Variants in MAU2 observed in about 807,000 individuals in gnomAD.
MAU2 encodes the protein MAU2 chromatid cohesion factor homolog.
MAU2 carries 9 observed loss-of-function variants against 89.1 expected under a neutral mutation model. The observed-to-expected ratio is 0.10, with a 90% CI of 0.06 to 0.18. The LOEUF (loss-of-function observed/expected upper bound fraction) is 0.18, where lower values mean the gene tolerates loss of function less well. Ranked by LOEUF, MAU2 falls within the 10% of genes least tolerant of loss-of-function variation. The pLI, the probability that MAU2 is intolerant of heterozygous loss-of-function variation, is 1.00. For missense variants in MAU2, 425 were observed against 803.5 expected, an observed-to-expected ratio of 0.53 and a Z score of 5.69; for synonymous variants, 357 against 343.4, an observed-to-expected ratio of 1.04 and a Z score of -0.44.
At chr19:19,335,058 T>C (rs2061585504) in intron 1 of MAU2, among the ~76,000 whole-genome samples, 2 of 152,156 alleles carry the variant, frequency 1.3e-5, no homozygotes. Flanking sequence ...CTGGGAACTG[T>C]TGGAACATGG....
rs750432590 is a variant in MAU2 at position 19,320,872 on chromosome 19, G to A, written c.13G>A (p.Ala5Thr). The A allele has an allele frequency of 1.3e-6, 2 of 1,517,996 alleles. No individual in the cohort carries two copies. The highest frequency in any genetic ancestry group is 1.3e-5 in the South Asian group (1 of 78,702). The allele number at this position is 1,517,996 out of a possible 1,614,324, so 94.0% of individuals were successfully genotyped here. Residue 5 changes from alanine to threonine, a missense_variant, in exon 1 of 19, where the codon GCG (alanine) becomes ACG (threonine). Ala to Thr is a moderately conservative substitution (Grantham distance 58). This residue lies in a region of MAU2 where 61 missense variants were observed against 40.1 expected (regional missense o/e 1.52). Coordinates refer to ENST00000262815, the MANE Select transcript of MAU2 (RefSeq NM_015329.4). Reference protein sequence around the residue: MAAQAAAAAQAAAAQ... With the variant: MAAQTAAAAQAAAAQ... ...TGTGGAGGCCAAAATGGCGGCTCAG[G>A]CGGCGGCAGCGGCCCAGGCGGCGGC...
At chr19:19,337,089 G>C (rs1184411026) in intron 3 of MAU2, 81 bp from the exon 4 acceptor site, 2 of 1,082,954 alleles carry the variant, frequency 1.8e-6, no homozygotes, top group Non-Finnish European at 1.4e-6. Context: ...TGGCACCACA[G>C]CTGCTGCTAA....
At chr19:19,339,517 GC>G (rs1445466513) in intron 5 of MAU2, 1 of 151,076 alleles carries the variant, frequency 6.6e-6, no homozygotes, top group African/African-American at 2.4e-5. Flanking sequence ...CTGCCCACTG[GC>G]CCCAACGCTG....
intron 6 of MAU2, 39 bp from the exon 7 acceptor site, chr19:19,341,213 C>A: frequency 6.3e-7 from 1 of 1,587,322 alleles, no homozygotes; most frequent in Admixed American, 1.7e-5. Context: ...AGGGCCCCTG[C>A]AAGCCCTGTA....
rs1192979674 is a variant in MAU2 at position 19,355,970 on chromosome 19, G to T, written c.*188G>T. ...GGTAGCCGTTCCCACCTCGCAGCAG[G>T]ACCCCCAGTGCAGAGGCTCACAGGT... is the stretch of plus-strand genomic sequence containing the variant. On this transcript the variant is annotated 3_prime_UTR_variant, in exon 19 of 19. Transcript: ENST00000262815. 2.9e-6 allele frequency: 2 copies of T among 695,630 alleles called. No individual in the cohort carries two copies. The allele number at this position is 695,630 out of a possible 1,614,324, so 43.1% of individuals were successfully genotyped here. A position where few individuals can be genotyped will look rare whatever the true frequency, so the allele number is the denominator to read the frequency against.
intron 7 of MAU2, 149 bp from the exon 8 acceptor site, chr19:19,342,386 C>T (rs1277304642): frequency 8.4e-6 from 8 of 953,602 alleles, no homozygotes; most frequent in Admixed American, 5.9e-5. Context: ...CATGGGAGTG[C>T]GGCAGGGGCG....
intron 3 of MAU2, among the ~76,000 whole-genome samples, chr19:19,336,873 A>G (rs2061600628): frequency 6.6e-6 from 1 of 152,268 alleles, no homozygotes; most frequent in African/African-American, 2.4e-5. Context: ...GTCTGAGAAC[A>G]TAAAAGAAGG....
At chr19:19,347,228 A>G (rs1363777391) in intron 12 of MAU2, 52 bp from the exon 13 acceptor site, 3 of 1,139,432 alleles carry the variant, frequency 2.6e-6, no homozygotes, top group Admixed American at 1.7e-5. Context: ...ACACTGCCAC[A>G]TGGGTCACAG....
intron 1 of MAU2, among the ~76,000 whole-genome samples, chr19:19,322,922 C>T (rs1358413124): frequency 6.6e-6 from 1 of 152,020 alleles, no homozygotes; most frequent in African/African-American, 2.4e-5. Flanking sequence ...CGGAGTTTCG[C>T]TCTTGTTGCC....
Position 19,334,874 on chromosome 19 carries a change from G to A in MAU2, c.277-844G>A, listed in dbSNP as rs781509957. On this transcript the variant is annotated intron_variant, in intron 1 of 18. Transcript: ENST00000262815. Reference sequence around the variant, plus strand: ...GCAGTCCTCCCACAGAGTGCGATGAGTTAGGGTCTCCTGCTGTGCTCCGGA... The same window carrying A: ...GCAGTCCTCCCACAGAGTGCGATGAATTAGGGTCTCCTGCTGTGCTCCGGA... 1.2e-4 allele frequency among the ~76,000 whole-genome samples: 18 copies of A among 152,348 alleles called. No individual in the cohort carries two copies. In the East Asian group the frequency reaches 3.5e-3, roughly 29 times the overall value.
At chr19:19,335,865 G>A in intron 2 of MAU2, 130 bp downstream of exon 2, 3 of 1,086,890 alleles carry the variant, frequency 2.8e-6, no homozygotes, top group Non-Finnish European at 4.2e-6. Flanking sequence ...AGCACCTGGA[G>A]TGTCCCCCAC....
chr19:19,336,367 A>C (rs1006297700), intron 3 of MAU2, among the ~76,000 whole-genome samples, 180 bp downstream of exon 3: 3 of 151,884 alleles, frequency 2.0e-5, no homozygotes, highest in African/African-American at 7.3e-5. Context: ...TGGCACAATC[A>C]TGGCTCACCG....
rs761860553 is a variant in MAU2, at chr19:19,349,176, C to T, written c.1380C>T (p.Ala460=). The T allele has an allele frequency of 9.3e-6, 15 of 1,614,154 alleles. No homozygotes were observed. Among genetic ancestry groups the T allele is most frequent in the South Asian group, 3.3e-5 (3 of 91,076 alleles). The change falls in exon 15 of 19, where the codon GCC becomes GCT. Residue 460 remains alanine (A), a synonymous_variant. Transcript: ENST00000262815. ...GCAGCTCGCACTGCCTCCGAGCAGC[C>T]GCCTTCTATGTGCGTGGGCTCTTCT... ...FPVSSHCLRA[A]AFYVRGLFSF...
chr19:19,330,697 A>C (rs945753000), intron 1 of MAU2, among the ~76,000 whole-genome samples: 1 of 152,068 alleles, frequency 6.6e-6, no homozygotes, highest in African/African-American at 2.4e-5. Flanking sequence ...CCAAGATCAC[A>C]CCATTGCACT....
Position 19,355,693 on chromosome 19 carries a change from C to T in MAU2, c.1768-15C>T. The T allele has an allele frequency of 6.2e-7, 1 of 1,603,324 alleles. No homozygotes were observed. The highest frequency in any genetic ancestry group is 8.5e-7 in the Non-Finnish European group (1 of 1,174,898). On this transcript the variant is annotated splice_polypyrimidine_tract_variant and intron_variant, in intron 18 of 18. Coordinates refer to ENST00000262815, the MANE Select transcript of MAU2 (RefSeq NM_015329.4). ...GTCCACAGTGCCTCACTCGCATGTC[C>T]TCTCCTCCCCACAGTGGACAGACGG... is the stretch of plus-strand genomic sequence containing the variant.
Position 19,348,588 on chromosome 19 carries a change from C to A in MAU2, c.1309-301C>A. On this transcript the variant is annotated intron_variant, in intron 13 of 18. Coordinates refer to ENST00000262815, the MANE Select transcript of MAU2 (RefSeq NM_015329.4). ...GGGCTCACGGGCCCCAGCCTGCCAA[C>A]CTACCCACTGCCAGGCCAGCCCCTC... is the stretch of plus-strand genomic sequence containing the variant. The A allele has an allele frequency of 7.3e-6, 4 of 548,186 alleles. No homozygotes were observed. In the South Asian group the frequency reaches 8.0e-5, roughly 11 times the overall value. The allele number at this position is 548,186 out of a possible 1,614,324, so 34.0% of individuals were successfully genotyped here. A position where few individuals can be genotyped will look rare whatever the true frequency, so the allele number is the denominator to read the frequency against.
intron 5 of MAU2, 116 bp downstream of exon 5, chr19:19,339,055 A>G: frequency 1.2e-6 from 1 of 803,272 alleles, no homozygotes; most frequent in Non-Finnish European, 2.0e-6. Context: ...AGCTCACAGT[A>G]TATTCCCAGC....
chr19:19,323,552 G>T (rs765429890), intron 1 of MAU2, among the ~76,000 whole-genome samples: 1 of 152,012 alleles, frequency 6.6e-6, no homozygotes, highest in Non-Finnish European at 1.5e-5. Context: ...CATCACCCCG[G>T]CTGGGGTGCA....
intron 10 of MAU2, chr19:19,344,174 G>T: frequency 2.0e-6 from 1 of 493,426 alleles, no homozygotes; most frequent in Admixed American, 3.4e-5. Context: ...CAGTTTGGGA[G>T]GCCGAGGCGG....
Sources: allele counts gnomAD v4.1 joint callset (sites outside exome capture counted in the v4.1 genomes callset), GRCh38; gene constraint gnomAD v4.1.1; regional missense constraint gnomAD v4.1.1; transcripts MANE v1.5; gene names NCBI Gene and HGNC (gene_info 2026-07-23, HGNC 2026-07-21).